The following NCOA1 variants were observed in gnomAD, a reference collection of about 807,000 sequenced individuals.
NCOA1 encodes nuclear receptor coactivator 1.
A neutral mutation model predicts 150.9 loss-of-function variants in NCOA1; 35 were observed. The observed-to-expected ratio is 0.23, with a 90% confidence interval of 0.18 to 0.31. The LOEUF (loss-of-function observed/expected upper bound fraction) is 0.31, where lower values mean the gene tolerates loss of function less well. Among genes scored for constraint, NCOA1 ranks in the 10% least tolerant of loss-of-function variants. NCOA1 has a pLI of 1.00. For synonymous variants in NCOA1, 590 were observed against 630.0 expected (o/e 0.94, Z 0.95); for missense variants, 1,491 against 1,749.3 (o/e 0.85, Z 2.63).
intron 2 of NCOA1, among the ~76,000 whole-genome samples, chr2:24,575,667 G>A (rs1038697822): frequency 4.0e-5 from 6 of 149,522 alleles, no homozygotes; most frequent in Admixed American, 2.0e-4. Flanking sequence ...TCCACCTCCC[G>A]GGTTCACGCC....
chr2:24,681,864 G>A (rs1005078261), intron 7 of NCOA1, among the ~76,000 whole-genome samples: 3 of 152,032 alleles, frequency 2.0e-5, no homozygotes, highest in Admixed American at 6.6e-5. Flanking sequence ...ACAGGCGTCC[G>A]CTACCACACT....
rs2148680051 is a variant in NCOA1, at chr2:24,752,066, A to G, written c.3791A>G (p.Gln1264Arg). 1.2e-6 allele frequency: 2 copies of G among 1,614,164 alleles called. No homozygotes were observed. Among genetic ancestry groups the G allele is most frequent in the East Asian group, 4.5e-5 (2 of 44,884 alleles). The change falls in exon 20 of 23, where the codon CAG (glutamine) becomes CGG (arginine). Residue 1264 changes from glutamine to arginine, a missense_variant. By Grantham distance (43) the Gln-to-Arg change is conservative (BLOSUM62 1). This residue lies in a region of NCOA1 where 485 missense variants were observed against 522.8 expected (regional missense o/e 0.93). Coordinates refer to ENST00000348332, the MANE Select transcript of NCOA1 (RefSeq NM_003743.5). ...GTGCCGATGCCAATCCCTCCTCCTC[A>G]GAGTTCTCTTCTCCAGCAAACTCCA... ...SMVPMPIPPP[Q>R]SSLLQQTPPA...
intron 3 of NCOA1, among the ~76,000 whole-genome samples, chr2:24,632,535 G>T (rs1011869820): frequency 2.0e-5 from 3 of 152,146 alleles, no homozygotes; most frequent in Non-Finnish European, 2.9e-5. Context: ...ATTGAAGGTG[G>T]AGAGGAATTA....
chr2:24,717,033 T>C (rs935014999), intron 14 of NCOA1, among the ~76,000 whole-genome samples: 19 of 152,128 alleles, frequency 1.2e-4, no homozygotes, highest in Admixed American at 4.6e-4. Flanking sequence ...CCAAAGAAGA[T>C]ATACAGATGG....
At chr2:24,634,913 C>T (rs1162435245) in intron 3 of NCOA1, among the ~76,000 whole-genome samples, 1 of 152,036 alleles carries the variant, frequency 6.6e-6, no homozygotes, top group Non-Finnish European at 1.5e-5. Context: ...GACGGGGCCT[C>T]ACTTTGTTGC....
intron 14 of NCOA1, among the ~76,000 whole-genome samples, chr2:24,717,734 T>C (rs747121990): frequency 1.3e-5 from 2 of 152,306 alleles, no homozygotes; most frequent in South Asian, 4.1e-4. Context: ...CTGTGGACTT[T>C]AGTTAATACT....
At chr2:24,682,424 G>A (rs1033106656) in intron 7 of NCOA1, among the ~76,000 whole-genome samples, 5 of 152,094 alleles carry the variant, frequency 3.3e-5, no homozygotes, top group South Asian at 2.1e-4. Context: ...AACTTTTCCC[G>A]TGCTCCCTTG....
chr2:24,512,530 G>A lies in NCOA1; in HGVS notation c.-396+20928G>A, dbSNP rs182333477. ...TATTCTTTTTTTCAGTTGGAATGTT[G>A]CCCTTGGTAATGACTACCCATTTTA... is the stretch of plus-strand genomic sequence containing the variant. On this transcript the variant is annotated intron_variant, in intron 1 of 22. Coordinates refer to ENST00000348332, the MANE Select transcript of NCOA1 (RefSeq NM_003743.5). Among the ~76,000 whole-genome samples, 457 of 152,208 alleles carry A rather than the reference G, an allele frequency of 3.0e-3. 2 individuals carry two copies. Among genetic ancestry groups the A allele is most frequent in the African/African-American group, 0.011 (438 of 41,520 alleles).
chr2:24,513,611 C>T (rs1198571641), intron 1 of NCOA1, among the ~76,000 whole-genome samples: 2 of 152,014 alleles, frequency 1.3e-5, no homozygotes, highest in Non-Finnish European at 2.9e-5. Flanking sequence ...TGCGTGCACA[C>T]GTGTACATAT....
In NCOA1 at chr2:24,733,877, T is replaced by C. The variant is rs138562114; in HGVS notation, c.3201+4062T>C. On this transcript the variant is annotated intron_variant, in intron 17 of 22. Transcript: ENST00000348332. ...AAAAATTAATGGCAATTCTTTTTACTAGAAAATTAATTAAAAATACATTCA... is the reference window on the plus strand; with the variant it reads ...AAAAATTAATGGCAATTCTTTTTACCAGAAAATTAATTAAAAATACATTCA... 9.2e-5 allele frequency among the ~76,000 whole-genome samples: 14 copies of C among 152,004 alleles called. No homozygotes were observed. The East Asian group carries it at 2.7e-3, about 29-fold the overall frequency.
intron 8 of NCOA1, among the ~76,000 whole-genome samples, chr2:24,688,548 C>T (rs980597598): frequency 1.3e-5 from 2 of 152,078 alleles, no homozygotes; most frequent in African/African-American, 4.8e-5. Flanking sequence ...ATATGTGTGT[C>T]TTCTTTTGAA....
intron 1 of NCOA1, among the ~76,000 whole-genome samples, chr2:24,494,735 A>G (rs1663127489): frequency 6.6e-6 from 1 of 152,102 alleles, no homozygotes; most frequent in South Asian, 2.1e-4. Flanking sequence ...GTGTTTCAGG[A>G]GGTGGATGTC....
intron 14 of NCOA1, chr2:24,711,453 G>A (rs868659021): frequency 2.4e-5 from 4 of 169,844 alleles, no homozygotes; most frequent in African/African-American, 9.5e-5. Context: ...AACTAATCCT[G>A]TGAGTTGCAG....
At chr2:24,737,307 G>C (rs944314737) in intron 17 of NCOA1, among the ~76,000 whole-genome samples, 3 of 152,152 alleles carry the variant, frequency 2.0e-5, no homozygotes, top group Admixed American at 2.0e-4. Context: ...TGCACACACA[G>C]ATAGTCAAGG....
chr2:24,666,257 G>A (rs556125095), intron 6 of NCOA1, among the ~76,000 whole-genome samples: 1 of 151,784 alleles, frequency 6.6e-6, no homozygotes, highest in Non-Finnish European at 1.5e-5. Flanking sequence ...CTCGTGATCC[G>A]CCCACCTCAG....
intron 1 of NCOA1, among the ~76,000 whole-genome samples, chr2:24,511,174 T>C (rs1663921093): frequency 6.6e-6 from 1 of 152,262 alleles, no homozygotes; most frequent in South Asian, 2.1e-4. Flanking sequence ...CATGTATCAG[T>C]ACTTGATTCC....
At chr2:24,767,193 TA>T (rs1665109415) in intron 22 of NCOA1, among the ~76,000 whole-genome samples, 1 of 152,168 alleles carries the variant, frequency 6.6e-6, no homozygotes, top group Admixed American at 6.5e-5. Flanking sequence ...AAAAGTTTTT[TA>T]AAAAGCTGAG....
chr2:24,720,745 T>A (rs187675778), intron 14 of NCOA1, among the ~76,000 whole-genome samples: 48 of 152,266 alleles, frequency 3.2e-4, no homozygotes, highest in Non-Finnish European at 1.0e-4. Context: ...AAAAATATGA[T>A]AGCGTATAAA....
intron 4 of NCOA1, among the ~76,000 whole-genome samples, chr2:24,657,966 G>T (rs909751909): frequency 2.0e-5 from 3 of 152,158 alleles, no homozygotes; most frequent in African/African-American, 7.2e-5. Flanking sequence ...AGATCAGCAG[G>T]GATCTTTAAG....
Sources: allele counts gnomAD v4.1 joint callset (sites outside exome capture counted in the v4.1 genomes callset), GRCh38; gene constraint gnomAD v4.1.1; regional missense constraint gnomAD v4.1.1; transcripts MANE v1.5; gene names NCBI Gene and HGNC (gene_info 2026-07-23, HGNC 2026-07-21).